Variants in ZNF385C observed in about 807,000 individuals in gnomAD.
ZNF385C encodes the protein CTD-2132N18.2.
ZNF385C carries 28 observed loss-of-function variants against 35.4 expected under a neutral mutation model. The ratio of observed to expected loss-of-function variants is 0.79; its 90% confidence interval spans 0.59 to 1.08. The LOEUF (loss-of-function observed/expected upper bound fraction) is 1.08, where lower values mean the gene tolerates loss of function less well. Among genes scored for constraint, ZNF385C ranks in the 50% least tolerant of loss-of-function variants. ZNF385C has a pLI of 0.00. For synonymous variants in ZNF385C, 248 were observed against 248.2 expected (o/e 1.00, Z 0.01); for missense variants, 605 against 595.6 (o/e 1.02, Z -0.16).
In ZNF385C at chr17:42,050,295, G is replaced by A. The variant is rs2053253926; in HGVS notation, c.251-12410C>T. Among the ~76,000 whole-genome samples the A allele has an allele frequency of 6.6e-6, 1 of 152,186 alleles. No individual in the cohort carries two copies. The highest frequency in any genetic ancestry group is 2.1e-4 in the South Asian group (1 of 4,832). ...CCCTTGCTTTGGGACCCCACTAAGA[G>A]AAGTCCAGCACTCAGCAGACAGGGC... is the stretch of plus-strand genomic sequence containing the variant. On this transcript the variant is annotated intron_variant, in intron 2 of 8. Coordinates refer to ENST00000692273, the MANE Select transcript of ZNF385C (RefSeq NM_001392013.1). The surrounding 1 kb of genome is among the most constrained non-coding windows in gnomAD (Gnocchi z 5.6).
At chr17:42,057,093 G>T (rs1168281638) in intron 2 of ZNF385C, among the ~76,000 whole-genome samples, 1 of 152,144 alleles carries the variant, frequency 6.6e-6, no homozygotes, top group African/African-American at 2.4e-5. Context: ...CTATGATTGT[G>T]CCAGGTACTC....
In ZNF385C at chr17:42,028,844, G is replaced by A; in HGVS notation, c.906C>T (p.Leu302=). ...CTGTCACCTTACACGTGGGGCAGTA[G>A]AGGTGCCCCTTCTCACTCCTGCCTT... The part of the protein sequence containing the change: ...SGEGRSEKGH[L]YCPTCKVTVN... The change falls in exon 6 of 9, where the codon CTC becomes CTT. Residue 302 remains leucine (L), a synonymous_variant. Coordinates refer to ENST00000692273, the MANE Select transcript of ZNF385C (RefSeq NM_001392013.1). 11 of 1,550,628 alleles carry A rather than the reference G, an allele frequency of 7.1e-6. No individual in the cohort carries two copies. The highest frequency in any genetic ancestry group is 9.6e-6 in the Non-Finnish European group (11 of 1,146,990).
At position 42,037,874 on chromosome 17, in the gene ZNF385C, A is replaced by C; in HGVS notation, c.262T>G (p.Ser88Ala). The change falls in exon 3 of 9, where the codon TCC becomes GCC. Residue 88 changes from serine to alanine, a missense_variant. Transcript: ENST00000692273. ...KSPSGPAGPA[S>A]GAPSPLLASL... ...GCCAGCAGGGGGCTGGGGGCGCCGG[A>C]GGCCGGGCCTGCTGCAGGAGGAAGA... 4.6e-6 allele frequency: 7 copies of C among 1,523,786 alleles called. No homozygotes were observed. Among genetic ancestry groups the C allele is most frequent in the Non-Finnish European group, 6.2e-6 (7 of 1,132,410 alleles). 94.4% of individuals were successfully genotyped at this position (1,523,786 alleles called of 1,614,324 possible).
At chr17:42,040,088 C>T in intron 2 of ZNF385C, 1 of 1,231,306 alleles carries the variant, frequency 8.1e-7, no homozygotes, top group Non-Finnish European at 1.0e-6. Flanking sequence ...ACGGCAGGAG[C>T]AAAGCCGCGC....
At position 42,095,366 on chromosome 17, in the gene ZNF385C, T is replaced by A. The variant is rs952663398; in HGVS notation, c.-3+3044A>T. Among the ~76,000 whole-genome samples the A allele has an allele frequency of 6.6e-6, 1 of 152,044 alleles. No individual in the cohort carries two copies. The highest frequency in any genetic ancestry group is 1.5e-5 in the Non-Finnish European group (1 of 68,000). ...CCTGTCCCAAGCCCAAACTCCAAAC[T>A]CATGGGAGAACCCACATGATAGACA... is the stretch of plus-strand genomic sequence containing the variant. On this transcript the variant is annotated intron_variant, in intron 1 of 8. Coordinates refer to ENST00000692273, the MANE Select transcript of ZNF385C (RefSeq NM_001392013.1). This position sits in a 1 kb window ranked among gnomAD's most constrained non-coding sequence, Gnocchi z 4.4.
chr17:42,054,095 C>G (rs1488829549), intron 2 of ZNF385C, among the ~76,000 whole-genome samples: 1 of 152,154 alleles, frequency 6.6e-6, no homozygotes, highest in African/African-American at 2.4e-5. Flanking sequence ...GTTCTTCCCC[C>G]AGGGGAGAAG....
At chr17:42,094,171 C>T (rs192370519) in intron 1 of ZNF385C, among the ~76,000 whole-genome samples, 4 of 152,140 alleles carry the variant, frequency 2.6e-5, no homozygotes, top group Admixed American at 1.3e-4. Context: ...TTAGTAGAGA[C>T]GGGGGTTCAC....
chr17:42,046,439 G>C (rs1555656627), intron 2 of ZNF385C, among the ~76,000 whole-genome samples: 1 of 151,550 alleles, frequency 6.6e-6, no homozygotes, highest in African/African-American at 2.4e-5. Context: ...CAAATAAAAT[G>C]TTTTTAAAAA....
chr17:42,079,071 C>T (rs1354064968), intron 1 of ZNF385C, among the ~76,000 whole-genome samples: 3 of 151,052 alleles, frequency 2.0e-5, no homozygotes, highest in Non-Finnish European at 2.9e-5. Flanking sequence ...TAGCCCGGCA[C>T]GGTGGCTCAT....
chr17:42,097,260 C>T (rs2053928333), intron 1 of ZNF385C, among the ~76,000 whole-genome samples: 1 of 152,142 alleles, frequency 6.6e-6, no homozygotes, highest in African/African-American at 2.4e-5. Flanking sequence ...GGTGTCAGAA[C>T]TCAGCTCTAA....
At chr17:42,036,081 G>A (rs561790982) in intron 3 of ZNF385C, among the ~76,000 whole-genome samples, 6 of 151,984 alleles carry the variant, frequency 3.9e-5, no homozygotes, top group South Asian at 2.1e-4. Context: ...TGCAACCTCC[G>A]CTTCCTGGGC....
chr17:42,056,586 A>G (rs1464573912), intron 2 of ZNF385C, among the ~76,000 whole-genome samples: 3 of 152,088 alleles, frequency 2.0e-5, no homozygotes, highest in African/African-American at 7.2e-5. Flanking sequence ...ACATAGCAAG[A>G]CCTTGTGATA....
At chr17:42,096,058 T>C (rs2053913816) in intron 1 of ZNF385C, among the ~76,000 whole-genome samples, 1 of 152,160 alleles carries the variant, frequency 6.6e-6, no homozygotes, top group Non-Finnish European at 1.5e-5. Context: ...TCAGAATGAC[T>C]CTGTGCAGAG....
At chr17:42,073,052 C>T (rs1419835182) in intron 1 of ZNF385C, among the ~76,000 whole-genome samples, 4 of 152,200 alleles carry the variant, frequency 2.6e-5, no homozygotes, top group Non-Finnish European at 4.4e-5. Context: ...TCATGGACCA[C>T]CTGCTGGGTG....
intron 1 of ZNF385C, among the ~76,000 whole-genome samples, chr17:42,081,866 T>C (rs1401474035): frequency 1.3e-5 from 2 of 152,196 alleles, no homozygotes; most frequent in African/African-American, 4.8e-5. Context: ...GGGGTTCAGA[T>C]TCAGGAGCCT....
intron 1 of ZNF385C, among the ~76,000 whole-genome samples, chr17:42,064,212 C>T (rs112701200): frequency 1.2e-4 from 18 of 152,258 alleles, no homozygotes; most frequent in African/African-American, 4.3e-4. Context: ...TGAAACTTGC[C>T]CTGCCTGACT....
intron 1 of ZNF385C, among the ~76,000 whole-genome samples, chr17:42,067,361 A>G (rs987952186): frequency 6.6e-6 from 1 of 152,100 alleles, no homozygotes; most frequent in Non-Finnish European, 1.5e-5. Flanking sequence ...CGCGCCATAG[A>G]TCTCACCCTG....
At chr17:42,084,412 C>T (rs2053783814) in intron 1 of ZNF385C, among the ~76,000 whole-genome samples, 1 of 151,576 alleles carries the variant, frequency 6.6e-6, no homozygotes, top group African/African-American at 2.4e-5. Flanking sequence ...GTGTTTTAAA[C>T]ATTTTTACAT....
intron 1 of ZNF385C, among the ~76,000 whole-genome samples, chr17:42,071,624 C>G (rs976588684): frequency 6.6e-6 from 1 of 152,004 alleles, no homozygotes; most frequent in Admixed American, 6.5e-5. Context: ...GTCTCCATAC[C>G]CCCTGTCCTT....
Sources: gnomAD v4.1 joint callset for allele counts (sites outside exome capture counted in the v4.1 genomes callset) on GRCh38, gnomAD v4.1.1 for gene constraint, Gnocchi (gnomAD v3.1) non-coding constraint, MANE v1.5 for transcripts, NCBI Gene and HGNC (gene_info 2026-07-23, HGNC 2026-07-21) for gene names.